The following EGFR variants were observed in gnomAD, a reference collection of about 807,000 sequenced individuals.
The protein encoded by EGFR is epidermal growth factor receptor.
In EGFR, 58 loss-of-function variants were observed where a neutral mutation model predicts 143.0. The observed-to-expected ratio is 0.41, with a 90% CI of 0.33 to 0.50. EGFR has a LOEUF of 0.50. Among genes scored for constraint, EGFR ranks in the 20% least tolerant of loss-of-function variants. The pLI, the probability that EGFR is intolerant of heterozygous loss-of-function variation, is 0.39. For missense variants in EGFR, 1,307 were observed against 1,579.0 expected (o/e 0.83, Z 2.92); for synonymous variants, 613 against 594.4 (o/e 1.03, Z -0.45).
At chr7:55,167,877 A>G (rs1786146084) in intron 15 of EGFR, among the ~76,000 whole-genome samples, 1 of 152,238 alleles carries the variant, frequency 6.6e-6, no homozygotes, top group Non-Finnish European at 1.5e-5. Flanking sequence ...AATATCAGAC[A>G]TAATGACAGT....
At chr7:55,157,850 C>A in intron 11 of EGFR, 97 bp downstream of exon 11, 1 of 1,222,956 alleles carries the variant, frequency 8.2e-7, no homozygotes, top group Non-Finnish European at 1.2e-6. Context: ...GCACAGAGCT[C>A]CTGCATCTCT....
At chr7:55,048,508 T>G (rs1263913274) in intron 1 of EGFR, among the ~76,000 whole-genome samples, 1 of 152,238 alleles carries the variant, frequency 6.6e-6, no homozygotes, top group Non-Finnish European at 1.5e-5. Flanking sequence ...AAAGTGTTTT[T>G]GTCTGCTTTT....
At chr7:55,104,307 C>T (rs1240099973) in intron 1 of EGFR, among the ~76,000 whole-genome samples, 1 of 152,208 alleles carries the variant, frequency 6.6e-6, no homozygotes, top group East Asian at 1.9e-4. Context: ...GAGCAGGTTG[C>T]CAAGCTGGGT....
chr7:55,201,585 C>T (rs1049830194), intron 25 of EGFR, 150 bp from the exon 26 acceptor site: 1 of 1,190,648 alleles, frequency 8.4e-7, no homozygotes, highest in African/African-American at 1.5e-5. Flanking sequence ...TAAATCAAAA[C>T]TAAACCTAGT....
intron 19 of EGFR, among the ~76,000 whole-genome samples, chr7:55,177,839 G>A (rs1279291046): frequency 6.6e-6 from 1 of 152,260 alleles, no homozygotes; most frequent in Non-Finnish European, 1.5e-5. Flanking sequence ...TACCAAGCAT[G>A]CTTGCTGTAG....
intron 1 of EGFR, among the ~76,000 whole-genome samples, chr7:55,056,325 A>G (rs968890755): frequency 2.0e-5 from 3 of 152,236 alleles, no homozygotes; most frequent in Non-Finnish European, 2.9e-5. Flanking sequence ...GGTAGCCAAT[A>G]CTATTTATAG....
chr7:55,150,397 C>T (rs543612851), intron 4 of EGFR, among the ~76,000 whole-genome samples: 3 of 152,320 alleles, frequency 2.0e-5, no homozygotes, highest in East Asian at 1.9e-4. Context: ...AGCACCAGCG[C>T]GGCAATTAGC....
At chr7:55,121,461 C>T (rs1427883504) in intron 1 of EGFR, among the ~76,000 whole-genome samples, 4 of 152,202 alleles carry the variant, frequency 2.6e-5, no homozygotes, top group Non-Finnish European at 5.9e-5. Flanking sequence ...TACACACCTT[C>T]TCATTTTCTG....
intron 1 of EGFR, among the ~76,000 whole-genome samples, chr7:55,100,724 C>A (rs1375840729): frequency 6.6e-6 from 1 of 152,206 alleles, no homozygotes; most frequent in Non-Finnish European, 1.5e-5. Flanking sequence ...GACACGCAGA[C>A]AGGAAGCCGG....
At chr7:55,072,046 G>T (rs1789863374) in intron 1 of EGFR, among the ~76,000 whole-genome samples, 1 of 151,640 alleles carries the variant, frequency 6.6e-6, no homozygotes, top group Non-Finnish European at 1.5e-5. Context: ...ACTGTGGTCA[G>T]TGCAGCGTCC....
intron 1 of EGFR, among the ~76,000 whole-genome samples, chr7:55,131,024 A>C (rs1793800122): frequency 6.6e-6 from 1 of 152,152 alleles, no homozygotes; most frequent in South Asian, 2.1e-4. Flanking sequence ...ACTCAGACTC[A>C]AGTCTGACTA....
chr7:55,182,931 G>T (rs527876737), intron 20 of EGFR, among the ~76,000 whole-genome samples: 3 of 152,244 alleles, frequency 2.0e-5, no homozygotes, highest in Admixed American at 2.0e-4. Context: ...TCTGTGTGTG[G>T]CTGCATTTGT....
intron 15 of EGFR, chr7:55,170,181 A>G (rs1392719126): frequency 1.3e-6 from 2 of 1,540,794 alleles, no homozygotes; most frequent in Non-Finnish European, 1.8e-6. Context: ...CCAAATTAAG[A>G]AGAGCAGTGT....
chr7:55,110,798 T>C (rs1792433943), intron 1 of EGFR, among the ~76,000 whole-genome samples: 1 of 152,206 alleles, frequency 6.6e-6, no homozygotes, highest in African/African-American at 2.4e-5. Flanking sequence ...CACCAGCCTC[T>C]GCACAATGAC....
intron 22 of EGFR, among the ~76,000 whole-genome samples, chr7:55,195,435 A>T (rs1462773218): frequency 6.6e-6 from 1 of 152,236 alleles, no homozygotes; most frequent in Non-Finnish European, 1.5e-5. Context: ...TTTGATTTTG[A>T]AGGAAAAACA....
At chr7:55,078,468 A>G (rs931656445) in intron 1 of EGFR, among the ~76,000 whole-genome samples, 6 of 152,178 alleles carry the variant, frequency 3.9e-5, no homozygotes, top group Non-Finnish European at 8.8e-5. Context: ...CAACCCTGGG[A>G]TGCCTCGGTG....
chr7:55,165,306 C>T lies in EGFR; in HGVS notation c.1749C>T (p.Ala583=), dbSNP rs141232284. Residue 583 remains alanine (A), a synonymous_variant, in exon 15 of 28, where the codon GCC becomes GCT. Transcript: ENST00000275493. ...GRGPDNCIQC[A]HYIDGPHCVK... ...GACCAGACAACTGTATCCAGTGTGC[C>T]CACTACATTGACGGCCCCCACTGCG... The T allele has an allele frequency of 5.9e-5, 95 of 1,614,152 alleles. No homozygotes were observed. In the African/African-American group the frequency reaches 1.1e-3, roughly 19 times the overall value.
chr7:55,206,841 C>G lies in EGFR; in HGVS notation c.*1224C>G, dbSNP rs746372291. The stretch of plus-strand genomic sequence containing the variant: ...GTCATCTATTCAAGCACTTACAGCT[C>G]TGGCCACAACAGGGCATTTTACAGG... On this transcript the variant is annotated 3_prime_UTR_variant, in exon 28 of 28. Coordinates refer to ENST00000275493, the MANE Select transcript of EGFR (RefSeq NM_005228.5). The G allele has an allele frequency of 6.4e-5, 15 of 233,162 alleles. No individual in the cohort carries two copies. The highest frequency in any genetic ancestry group is 1.2e-3 in the Middle Eastern group (1 of 808). 14.4% of individuals were successfully genotyped at this position (233,162 alleles called of 1,614,324 possible). A position where few individuals can be genotyped will look rare whatever the true frequency, so the allele number is the denominator to read the frequency against.
chr7:55,059,934 A>T (rs889308394), intron 1 of EGFR, among the ~76,000 whole-genome samples: 2 of 152,078 alleles, frequency 1.3e-5, no homozygotes, highest in Non-Finnish European at 2.9e-5. Context: ...GGCTGGAGAC[A>T]CAGAGACCCA....
Sources: allele counts gnomAD v4.1 joint callset (sites outside exome capture counted in the v4.1 genomes callset), GRCh38; gene constraint gnomAD v4.1.1; transcripts MANE v1.5; gene names NCBI Gene and HGNC (gene_info 2026-07-23, HGNC 2026-07-21).